The following SLC6A16 variants were observed in gnomAD, a reference collection of about 807,000 sequenced individuals.
SLC6A16 encodes the protein orphan sodium- and chloride-dependent neurotransmitter transporter NTT5.
Under a neutral mutation model 65.4 loss-of-function variants are expected in SLC6A16, and 54 were observed. The observed-to-expected ratio is 0.83, with a 90% CI of 0.66 to 1.04. SLC6A16 has a LOEUF of 1.04. Among genes scored for constraint, SLC6A16 ranks in the 50% least tolerant of loss-of-function variants. The probability of loss-of-function intolerance (pLI) is 0.00; values close to 1 mark genes in which losing one functional copy is unlikely to be tolerated. For missense variants in SLC6A16, 816 were observed against 914.0 expected, an observed-to-expected ratio of 0.89 and a Z score of 1.38; for synonymous variants, 330 against 346.5, an observed-to-expected ratio of 0.95 and a Z score of 0.53.
At chr19:49,314,074 C>T (rs952712059) in intron 1 of SLC6A16, among the ~76,000 whole-genome samples, 2 of 142,098 alleles carry the variant, frequency 1.4e-5, no homozygotes, top group Non-Finnish European at 3.0e-5. Flanking sequence ...CCAGCCTGGG[C>T]AACAGAGTGA....
At chr19:49,335,502 T>G in the SLC6A16 span, 1 of 1,480,896 alleles carries the variant, frequency 6.8e-7, no homozygotes. This position sits in a 1 kb window ranked among gnomAD's most constrained non-coding sequence, Gnocchi z 4.6. Context: ...CAGCACCTCT[T>G]CTGTGTGGTG....
In SLC6A16 at chr19:49,310,363, G is replaced by A. The variant is rs1251557334; in HGVS notation, c.563C>T (p.Ser188Phe). 1.2e-6 allele frequency: 2 copies of A among 1,613,958 alleles called. No individual in the cohort carries two copies. Among genetic ancestry groups the A allele is most frequent in the South Asian group, 2.2e-5 (2 of 91,044 alleles). ...CCATGGGCTCCTCACCATGAAGCTA[G>A]AATACCCCACACCACCAATCCAGGG... ...IAPWIGGVGYSSFMVCFILGL... is the reference protein window; with the variant it reads ...IAPWIGGVGYFSFMVCFILGL... The change falls in exon 3 of 12, where the codon TCT becomes TTT. Residue 188 changes from serine (S) to phenylalanine (F), a missense_variant. By Grantham distance (155) the Ser-to-Phe change is radical (BLOSUM62 -2). Coordinates refer to ENST00000335875, the MANE Select transcript of SLC6A16 (RefSeq NM_014037.3).
intron 1 of SLC6A16, among the ~76,000 whole-genome samples, chr19:49,318,139 A>G (rs1970646761): frequency 2.0e-5 from 3 of 152,344 alleles, no homozygotes. Flanking sequence ...ATCAACCTGC[A>G]CATGTATAGT....
the SLC6A16 span, chr19:49,336,488 G>C: frequency 3.7e-5 from 6 of 161,092 alleles, no homozygotes; most frequent in Admixed American, 3.6e-4. Context: ...AACCTGGGAG[G>C]CAGAGGTTGC....
At chr19:49,293,477 A>G (rs564581255) in intron 9 of SLC6A16, 95 bp from the exon 10 acceptor site, 91 of 1,255,900 alleles carry the variant, frequency 7.2e-5, no homozygotes, top group Non-Finnish European at 3.7e-5. Context: ...TGGCAGACCC[A>G]GTGGTAGCCG....
the SLC6A16 span, among the ~76,000 whole-genome samples, chr19:49,337,453 C>A: frequency 6.7e-6 from 1 of 150,228 alleles, no homozygotes; most frequent in Non-Finnish European, 1.5e-5. Context: ...ATAGTGAGAC[C>A]CCATCTATAT....
At chr19:49,294,988 T>C (rs998916779) in intron 7 of SLC6A16, among the ~76,000 whole-genome samples, 3 of 152,170 alleles carry the variant, frequency 2.0e-5, no homozygotes, top group African/African-American at 7.2e-5. Context: ...CTTTTTGATG[T>C]GAGCCCTGCT....
At chr19:49,295,514 G>C (rs1248016161) in intron 7 of SLC6A16, among the ~76,000 whole-genome samples, 14 of 152,162 alleles carry the variant, frequency 9.2e-5, no homozygotes, top group Admixed American at 9.2e-4. Flanking sequence ...TGCTATTCCA[G>C]TAATAAGCTA....
At chr19:49,332,086 G>T in the SLC6A16 span, 1 of 455,782 alleles carries the variant, frequency 2.2e-6, no homozygotes, top group Non-Finnish European at 4.4e-6. Context: ...CAAAATCAAG[G>T]TGTCACCAGG....
At chr19:49,307,039 T>C (rs1355921125) in intron 7 of SLC6A16, among the ~76,000 whole-genome samples, 1 of 143,328 alleles carries the variant, frequency 7.0e-6, no homozygotes, top group Non-Finnish European at 1.5e-5. Context: ...ACACAGTGCA[T>C]TGTTTTATAC....
In SLC6A16 at chr19:49,289,977, C is replaced by T. The variant is rs1444896505; in HGVS notation, c.*146G>A. On this transcript the variant is annotated 3_prime_UTR_variant, in exon 12 of 12. Coordinates refer to ENST00000335875, the MANE Select transcript of SLC6A16 (RefSeq NM_014037.3). Reference sequence around the variant, plus strand: ...CCAGGAAGGGATTGCAAGTCCAGGCCCCATGAACACCCCCAAAGAATGCCC... The same window carrying T: ...CCAGGAAGGGATTGCAAGTCCAGGCTCCATGAACACCCCCAAAGAATGCCC... 1.7e-5 allele frequency: 13 copies of T among 768,068 alleles called. No individual in the cohort carries two copies. Among genetic ancestry groups the T allele is most frequent in the Non-Finnish European group, 2.7e-5 (13 of 484,532 alleles). The allele number at this position is 768,068 out of a possible 1,614,324, so 47.6% of individuals were successfully genotyped here.
At chr19:49,305,465 G>A (rs1390364206) in intron 7 of SLC6A16, among the ~76,000 whole-genome samples, 5 of 151,984 alleles carry the variant, frequency 3.3e-5, no homozygotes, top group Non-Finnish European at 5.9e-5. Flanking sequence ...GGTGGTGGGT[G>A]CCTGTAATCC....
At chr19:49,296,092 C>T (rs190426488) in intron 7 of SLC6A16, among the ~76,000 whole-genome samples, 119 of 152,216 alleles carry the variant, frequency 7.8e-4, no homozygotes, top group Non-Finnish European at 1.3e-3. Flanking sequence ...CAGGTTCGAG[C>T]GATTCTCCTG....
At chr19:49,338,322 A>ACGGCTTCCTACCC in the SLC6A16 span, 23 of 673,534 alleles carry the variant, frequency 3.4e-5, no homozygotes, top group Non-Finnish European at 4.8e-5. The surrounding 1 kb of genome is among the most constrained non-coding windows in gnomAD (Gnocchi z 5.0). Flanking sequence ...CTAGCGAGAC[A>ACGGCTTCCTACCC]CGGCTTCCTA....
chr19:49,304,869 C>A (rs937522620), intron 7 of SLC6A16, among the ~76,000 whole-genome samples: 3 of 152,096 alleles, frequency 2.0e-5, no homozygotes, highest in African/African-American at 4.8e-5. Context: ...TATGACAATA[C>A]AAGTATTTGC....
chr19:49,331,527 C>G, the SLC6A16 span: 2 of 348,732 alleles, frequency 5.7e-6, no homozygotes, highest in East Asian at 7.4e-5. Context: ...AACAGGTATT[C>G]TATTTGTAGT....
upstream of SLC6A16, among the ~76,000 whole-genome samples, chr19:49,329,117 G>C (rs576087938): frequency 1.3e-5 from 2 of 151,878 alleles, no homozygotes; most frequent in Admixed American, 1.3e-4. Flanking sequence ...TTTTGAGATA[G>C]AGTCCTGCTC....
upstream of SLC6A16, among the ~76,000 whole-genome samples, chr19:49,326,344 T>C (rs1193780597): frequency 6.6e-6 from 1 of 152,148 alleles, no homozygotes; most frequent in Admixed American, 6.5e-5. Flanking sequence ...AACATCACTA[T>C]ATTCAAAGAG....
chr19:49,304,680 G>A (rs7249674), intron 7 of SLC6A16, among the ~76,000 whole-genome samples: 3,393 of 152,250 alleles, frequency 0.022, 127 homozygotes, highest in African/African-American at 0.071. Flanking sequence ...CAGGAGAATC[G>A]CTTGAACCTG....
Sources: gnomAD v4.1 joint callset for allele counts (sites outside exome capture counted in the v4.1 genomes callset) on GRCh38, gnomAD v4.1.1 for gene constraint, Gnocchi (gnomAD v3.1) non-coding constraint, MANE v1.5 for transcripts, NCBI Gene and HGNC (gene_info 2026-07-23, HGNC 2026-07-21) for gene names.